The following LNX2 variants were observed in gnomAD, a reference collection of about 807,000 sequenced individuals.
LNX2 encodes ligand of Numb protein X 2.
In LNX2, 35 loss-of-function variants were observed where a neutral mutation model predicts 66.2. That is an observed-to-expected ratio of 0.53 (90% CI 0.40 to 0.70). The LOEUF (loss-of-function observed/expected upper bound fraction) is 0.70. LNX2 is among the 30% of genes least tolerant of loss of function. The pLI is 0.00. For synonymous variants in LNX2, 337 were observed against 315.6 expected (o/e 1.07, Z -0.72); for missense variants, 791 against 850.8 (o/e 0.93, Z 0.87).
intron 9 of LNX2, 34 bp downstream of exon 9, chr13:27,550,299 C>T: frequency 1.9e-6 from 3 of 1,590,032 alleles, no homozygotes; most frequent in South Asian, 2.2e-5. Context: ...ATGTCATCAA[C>T]ATGAATCACA....
At chr13:27,583,110 T>C in intron 1 of LNX2, among the ~76,000 whole-genome samples, 1 of 151,844 alleles carries the variant, frequency 6.6e-6, no homozygotes, top group Non-Finnish European at 1.5e-5. Flanking sequence ...ATGTTATACA[T>C]TTCAATTTCA....
Position 27,573,486 on chromosome 13 carries a change from C to T in LNX2, c.408-4210G>A, listed in dbSNP as rs1030511668. Among the ~76,000 whole-genome samples, 3 of 151,114 alleles carry T rather than the reference C, an allele frequency of 2.0e-5. No individual in the cohort carries two copies. In the South Asian group the frequency reaches 6.3e-4, roughly 32 times the overall value. On this transcript the variant is annotated intron_variant, in intron 2 of 9. Transcript: ENST00000316334. The stretch of plus-strand genomic sequence containing the variant: ...CAGAGGTCATTGCTGAAGATTGTGG[C>T]TGCCTGAAGACAAATACAAGGCTAA...
intron 1 of LNX2, among the ~76,000 whole-genome samples, chr13:27,583,242 GT>G (rs1955436112): frequency 7.7e-5 from 2 of 26,070 alleles, no homozygotes; most frequent in Admixed American, 4.2e-4. Context: ...GTGTGTGTGT[GT>G]GTGTGTGTGT....
intron 2 of LNX2, among the ~76,000 whole-genome samples, chr13:27,576,267 C>G (rs1413722195): frequency 6.6e-6 from 1 of 152,140 alleles, no homozygotes; most frequent in Non-Finnish European, 1.5e-5. Flanking sequence ...AACAGAACAA[C>G]TAGACATGGA....
chr13:27,569,375 G>A, intron 2 of LNX2, 99 bp from the exon 3 acceptor site: 1 of 1,283,390 alleles, frequency 7.8e-7, no homozygotes. Flanking sequence ...AACAGAACCA[G>A]AAGCTAGAAG....
intron 6 of LNX2, among the ~76,000 whole-genome samples, chr13:27,556,641 A>C (rs1309555160): frequency 6.6e-6 from 1 of 152,248 alleles, no homozygotes; most frequent in African/African-American, 2.4e-5. Context: ...GAAAAAACTC[A>C]GGACTGCTGA....
intron 1 of LNX2, among the ~76,000 whole-genome samples, chr13:27,583,226 GT>G (rs1955431915): frequency 6.8e-5 from 2 of 29,514 alleles, no homozygotes; most frequent in Admixed American, 2.9e-4. Context: ...GTGTGTGTGT[GT>G]GTGTGTGTGT....
chr13:27,548,588 T>C, intron 9 of LNX2, 118 bp from the exon 10 acceptor site: 11 of 1,061,902 alleles, frequency 1.0e-5, no homozygotes, highest in Non-Finnish European at 1.5e-5. Context: ...TGTCAATGGT[T>C]AGGGTGTATA....
intron 5 of LNX2, 120 bp from the exon 6 acceptor site, chr13:27,560,105 G>T: frequency 1.3e-6 from 1 of 746,548 alleles, no homozygotes; most frequent in Non-Finnish European, 2.0e-6. Context: ...CATCTGGACA[G>T]TGACTGCAAG....
rs1444133028 is a variant in LNX2, at chr13:27,553,349, G to A, written c.1637C>T (p.Pro546Leu). Reference protein sequence around the residue: ...VAMLKASAASPAVALKALEVQ... With the variant: ...VAMLKASAASLAVALKALEVQ... ...CTCAAGTGCTTTAAGGGCAACAGCA[G>A]GGGACGCGGCACTGGCTTTCAGCAT... is the stretch of plus-strand genomic sequence containing the variant. Residue 546 changes from proline (P) to leucine (L), a missense_variant, in exon 8 of 10, where the codon CCT becomes CTT. Coordinates refer to ENST00000316334, the MANE Select transcript of LNX2 (RefSeq NM_153371.4). The A allele has an allele frequency of 6.2e-7, 1 of 1,614,158 alleles. No individual in the cohort carries two copies. Among genetic ancestry groups the A allele is most frequent in the East Asian group, 2.2e-5 (1 of 44,876 alleles).
At chr13:27,569,381 A>G (rs1476306097) in intron 2 of LNX2, 105 bp from the exon 3 acceptor site, 14 of 1,221,140 alleles carry the variant, frequency 1.1e-5, no homozygotes, top group East Asian at 2.3e-5. Flanking sequence ...ACCAGAAGCT[A>G]GAAGTACCTA....
At chr13:27,601,019 G>C (rs537333662) in intron 1 of LNX2, among the ~76,000 whole-genome samples, 2 of 152,148 alleles carry the variant, frequency 1.3e-5, no homozygotes, top group African/African-American at 4.8e-5. Context: ...CAAACAACCC[G>C]GAAGAGTCTT....
At chr13:27,568,188 AGGAAACACTAGCTCTGT>A (rs1389598104) in intron 3 of LNX2, among the ~76,000 whole-genome samples, 2 of 152,232 alleles carry the variant, frequency 1.3e-5, no homozygotes, top group East Asian at 3.8e-4. Context: ...GGCAGTACAA[AGGAAACACTAGCTCTGT>A]GGCATAGAAA....
chr13:27,607,312 C>A (rs545647212), intron 1 of LNX2, among the ~76,000 whole-genome samples: 1 of 152,170 alleles, frequency 6.6e-6, no homozygotes, highest in Admixed American at 6.5e-5. Flanking sequence ...TTTCTAAAAA[C>A]GCACCACAAC....
intron 1 of LNX2, among the ~76,000 whole-genome samples, chr13:27,616,991 G>A (rs571181967): frequency 6.6e-6 from 1 of 152,186 alleles, no homozygotes; most frequent in South Asian, 2.1e-4. Flanking sequence ...CCTCGTGATC[G>A]CCCGCCTCAG....
At chr13:27,583,108 C>A (rs1955421038) in intron 1 of LNX2, among the ~76,000 whole-genome samples, 1 of 150,760 alleles carries the variant, frequency 6.6e-6, no homozygotes, top group South Asian at 2.1e-4. Context: ...ATATGTTATA[C>A]ATTTCAATTT....
intron 1 of LNX2, among the ~76,000 whole-genome samples, chr13:27,591,147 C>T (rs1955542904): frequency 6.6e-6 from 1 of 152,104 alleles, no homozygotes; most frequent in Non-Finnish European, 1.5e-5. Context: ...GCCTTGTTGG[C>T]CTTGATGTTT....
intron 2 of LNX2, among the ~76,000 whole-genome samples, chr13:27,575,008 T>A (rs1447452339): frequency 6.6e-6 from 1 of 152,110 alleles, no homozygotes; most frequent in Non-Finnish European, 1.5e-5. Flanking sequence ...ATTGAGACAT[T>A]CCTAGGTAAA....
chr13:27,556,321 C>T lies in LNX2; in HGVS notation c.1461G>A (p.Arg487=). The T allele has an allele frequency of 6.2e-7, 1 of 1,613,980 alleles. No individual in the cohort carries two copies. ...TGGGCAGCTCACCACTCTTACTTCC[C>T]CTGCCCCCAGCAACGGTCATGCCAA... The part of the protein sequence containing the change: ...ESLGMTVAGG[R]GSKSGELPIF... The change falls in exon 7 of 10, where the codon AGG becomes AGA. Residue 487 remains arginine (R), a synonymous_variant. Coordinates refer to ENST00000316334, the MANE Select transcript of LNX2 (RefSeq NM_153371.4).
Sources: gnomAD v4.1 joint callset for allele counts (sites outside exome capture counted in the v4.1 genomes callset) on GRCh38, gnomAD v4.1.1 for gene constraint, MANE v1.5 for transcripts, NCBI Gene and HGNC (gene_info 2026-07-23, HGNC 2026-07-21) for gene names.